The following RPH3AL variants were observed in gnomAD, a reference collection of about 807,000 sequenced individuals.
RPH3AL encodes rabphilin 3A like (without C2 domains).
A neutral mutation model predicts 43.1 loss-of-function variants in RPH3AL; 38 were observed. That is an observed-to-expected ratio of 0.88 (90% CI 0.68 to 1.15). RPH3AL has a LOEUF of 1.15. Among genes scored for constraint, RPH3AL ranks in the 50% most tolerant of loss-of-function variants. The probability of loss-of-function intolerance (pLI) is 0.00; values close to 1 mark genes in which losing one functional copy is unlikely to be tolerated. For missense variants in RPH3AL, 462 were observed against 423.2 expected (o/e 1.09, Z -0.81); for synonymous variants, 189 against 176.3 (o/e 1.07, Z -0.57).
chr17:269,853 C>A (rs893141899), intron 6 of RPH3AL, among the ~76,000 whole-genome samples: 6 of 152,226 alleles, frequency 3.9e-5, no homozygotes, highest in Non-Finnish European at 7.3e-5. Context: ...CTCCAGTGCA[C>A]AGACGTGGGC....
intron 5 of RPH3AL, among the ~76,000 whole-genome samples, chr17:309,354 A>G (rs949657164): frequency 1.4e-4 from 21 of 152,124 alleles, no homozygotes; most frequent in Non-Finnish European, 1.0e-4. Context: ...CCCAGATACC[A>G]AACAGAGAGG....
At chr17:226,849 T>A (rs2041118265) in intron 7 of RPH3AL, among the ~76,000 whole-genome samples, 1 of 152,218 alleles carries the variant, frequency 6.6e-6, no homozygotes, top group Non-Finnish European at 1.5e-5. Context: ...TGCTCTTCCA[T>A]CCTCAACATA....
At chr17:221,392 C>T (rs2040969240) in intron 7 of RPH3AL, among the ~76,000 whole-genome samples, 1 of 142,480 alleles carries the variant, frequency 7.0e-6, no homozygotes, top group Non-Finnish European at 1.5e-5. Context: ...ACAACAGACC[C>T]AAGAACAACA....
chr17:235,449 G>C (rs66489422), intron 7 of RPH3AL, among the ~76,000 whole-genome samples: 5,824 of 61,236 alleles, frequency 0.095, 766 homozygotes, highest in African/African-American at 0.22. Flanking sequence ...CAAGAGGGAT[G>C]CAGGGTTCAA....
chr17:331,277 G>C (rs149203547), intron 2 of RPH3AL: 213 of 251,194 alleles, frequency 8.5e-4, no homozygotes, highest in African/African-American at 4.5e-3. Flanking sequence ...CTGCAGAGAT[G>C]AAGGGAGACG....
At chr17:316,459 C>G (rs74199515) in intron 5 of RPH3AL, among the ~76,000 whole-genome samples, 2 of 126,142 alleles carry the variant, frequency 1.6e-5, no homozygotes, top group Admixed American at 7.6e-5. Flanking sequence ...TCCACCTCCA[C>G]TGACCTGTAG....
chr17:237,970 A>T (rs12603796), intron 7 of RPH3AL, among the ~76,000 whole-genome samples: 1 of 144,146 alleles, frequency 6.9e-6, no homozygotes, highest in Admixed American at 7.0e-5. Flanking sequence ...ACAACGTGGA[A>T]TCACCCCGTC....
chr17:279,470 G>A (rs187471031), intron 6 of RPH3AL, among the ~76,000 whole-genome samples: 2 of 152,302 alleles, frequency 1.3e-5, no homozygotes, highest in Admixed American at 6.5e-5. Flanking sequence ...GGAAAGATAA[G>A]AAAATTCATC....
Position 212,422 on chromosome 17 carries a change from GTT to G in RPH3AL, c.*1428_*1429del. 1 of 152,124 alleles carries G rather than the reference GTT, an allele frequency of 6.6e-6. No homozygotes were observed. The highest frequency in any genetic ancestry group is 1.9e-4 in the East Asian group (1 of 5,182). The allele number at this position is 152,124 out of a possible 1,614,324, so 9.4% of individuals were successfully genotyped here. A position where few individuals can be genotyped will look rare whatever the true frequency, so the allele number is the denominator to read the frequency against. ...GGTTCCAGCAAGTCAACGCACCACA[GTT>G]TTTTCCATTTTTCCATGGACGCATC... On this transcript the variant is annotated 3_prime_UTR_variant, in exon 10 of 10. Transcript: ENST00000331302.
At chr17:347,512 A>G (rs1049608542) in intron 1 of RPH3AL, among the ~76,000 whole-genome samples, 1 of 151,936 alleles carries the variant, frequency 6.6e-6, no homozygotes, top group Non-Finnish European at 1.5e-5. Context: ...TGAGCCCCAG[A>G]GCTCAGGGTG....
chr17:308,218 C>T (rs112043537), intron 5 of RPH3AL, among the ~76,000 whole-genome samples: 1,737 of 152,304 alleles, frequency 0.011, 31 homozygotes, highest in African/African-American at 0.039. Flanking sequence ...TCTACAGCTC[C>T]AGCAATGGAC....
intron 5 of RPH3AL, among the ~76,000 whole-genome samples, chr17:285,455 G>A (rs73971683): frequency 7.9e-5 from 12 of 152,286 alleles, no homozygotes; most frequent in African/African-American, 2.2e-4. Context: ...ACGTAATAGC[G>A]ACTCGATAAA....
intron 2 of RPH3AL, among the ~76,000 whole-genome samples, chr17:329,622 C>T (rs2044701528): frequency 6.6e-6 from 1 of 152,158 alleles, no homozygotes; most frequent in African/African-American, 2.4e-5. Context: ...ATTAGACGTT[C>T]ACATAATTTA....
rs190530378 is a variant in RPH3AL at position 327,439 on chromosome 17, C to A, written c.77+28G>T. On this transcript the variant is annotated intron_variant, in intron 3 of 9. Transcript: ENST00000331302. ...GGAGCAGGGAGGCAGAAGGAAGGGA[C>A]GGCCTGGGGGGCCCCAGAGGTACTC... 3.6e-5 allele frequency: 57 copies of A among 1,599,616 alleles called. No homozygotes were observed. The Admixed American group carries it at 5.5e-4, about 15-fold the overall frequency.
chr17:336,601 C>T (rs1327014342), intron 1 of RPH3AL, among the ~76,000 whole-genome samples: 3 of 152,186 alleles, frequency 2.0e-5, no homozygotes, highest in Non-Finnish European at 4.4e-5. Context: ...CCCGTTGCCC[C>T]TCTTCACGTA....
At chr17:352,003 T>C (rs1381231462) in intron 1 of RPH3AL, among the ~76,000 whole-genome samples, 1 of 152,216 alleles carries the variant, frequency 6.6e-6, no homozygotes, top group African/African-American at 2.4e-5. Context: ...CAACTGCTCC[T>C]GACCAAGTCA....
chr17:326,956 G>A (rs1598139649), intron 3 of RPH3AL, among the ~76,000 whole-genome samples: 1 of 152,210 alleles, frequency 6.6e-6, no homozygotes, highest in Non-Finnish European at 1.5e-5. Flanking sequence ...GGCAGCTTGG[G>A]GCTGGTTGTG....
rs1312981648 is a variant in RPH3AL at position 333,315 on chromosome 17, C to A, written c.-37+444G>T. The A allele has an allele frequency of 3.9e-6, 5 of 1,282,950 alleles. No homozygotes were observed. The highest frequency in any genetic ancestry group is 1.2e-5 in the South Asian group (1 of 80,856). The allele number at this position is 1,282,950 out of a possible 1,614,324, so 79.5% of individuals were successfully genotyped here. A position where few individuals can be genotyped will look rare whatever the true frequency, so the allele number is the denominator to read the frequency against. ...CCTGGGGGCGGTAGGATATTTTATCCTAAAGAGAAAACACCTTAAATTCTC... is the reference window on the plus strand; with the variant it reads ...CCTGGGGGCGGTAGGATATTTTATCATAAAGAGAAAACACCTTAAATTCTC... On this transcript the variant is annotated intron_variant, in intron 2 of 9. Coordinates refer to ENST00000331302, the MANE Select transcript of RPH3AL (RefSeq NM_006987.4). This position sits in a 1 kb window ranked among gnomAD's most constrained non-coding sequence, Gnocchi z 4.5.
At chr17:304,921 G>C (rs1010047354) in intron 5 of RPH3AL, among the ~76,000 whole-genome samples, 3 of 125,886 alleles carry the variant, frequency 2.4e-5, no homozygotes, top group African/African-American at 8.7e-5. Context: ...GTGCAAGAGA[G>C]GCACAGGGCG....
Sources: gnomAD v4.1 joint callset for allele counts (sites outside exome capture counted in the v4.1 genomes callset) on GRCh38, gnomAD v4.1.1 for gene constraint, Gnocchi (gnomAD v3.1) non-coding constraint, MANE v1.5 for transcripts, NCBI Gene and HGNC (gene_info 2026-07-23, HGNC 2026-07-21) for gene names.